DCTN5: variants seen among roughly 807,000 people sequenced by gnomAD.
DCTN5 encodes the protein dynactin 4.
A neutral mutation model predicts 23.5 loss-of-function variants in DCTN5; 14 were observed. The ratio of observed to expected loss-of-function variants is 0.60; its 90% CI spans 0.39 to 0.93. The LOEUF (loss-of-function observed/expected upper bound fraction) is 0.93, where lower values mean the gene tolerates loss of function less well. Ranked by LOEUF, DCTN5 falls within the 40% of genes least tolerant of loss-of-function variation. The pLI is 0.00. For synonymous variants in DCTN5, 67 were observed against 79.6 expected, an observed-to-expected ratio of 0.84 and a Z score of 0.84; for missense variants, 156 against 225.9, an observed-to-expected ratio of 0.69 and a Z score of 1.98.
rs1408904198 is a variant in DCTN5 at position 23,670,528 on chromosome 16, A to T, written c.*3384A>T. ...AGAGCCTAGAGGGTGCTGCCCAGCC[A>T]TATTCTGGCTAGCCTCAGCGGTTCT... is the stretch of plus-strand genomic sequence containing the variant. On this transcript the variant is annotated 3_prime_UTR_variant, in exon 6 of 6. Coordinates refer to ENST00000300087, the MANE Select transcript of DCTN5 (RefSeq NM_032486.4). The T allele has an allele frequency of 6.6e-6, 1 of 152,152 alleles. No individual in the cohort carries two copies. 9.4% of individuals were successfully genotyped at this position (152,152 alleles called of 1,614,324 possible).
At chr16:23,666,945 C>A in intron 5 of DCTN5, 102 bp from the exon 6 acceptor site, 1 of 1,533,430 alleles carries the variant, frequency 6.5e-7, no homozygotes, top group South Asian at 1.2e-5. Flanking sequence ...AAGTGATTGT[C>A]AGACATGCAT....
At chr16:23,658,742 A>G in intron 3 of DCTN5, 117 bp downstream of exon 3, 1 of 765,848 alleles carries the variant, frequency 1.3e-6, no homozygotes, top group Non-Finnish European at 2.3e-6. Flanking sequence ...GCACTGAGTA[A>G]GAGTTCACCA....
intron 4 of DCTN5, 52 bp from the exon 5 acceptor site, chr16:23,665,574 C>A (rs1022458782): frequency 2.0e-6 from 3 of 1,509,438 alleles, no homozygotes; most frequent in South Asian, 1.2e-5. Context: ...TAGAAAGGAG[C>A]CTTTCACACA....
intron 5 of DCTN5, 103 bp downstream of exon 5, chr16:23,665,831 G>T: frequency 1.1e-6 from 1 of 929,494 alleles, no homozygotes; most frequent in Admixed American, 2.4e-5. Flanking sequence ...GCAATATGTT[G>T]ATAGAGCTAA....
chr16:23,645,220 C>T (rs79333988), intron 2 of DCTN5, among the ~76,000 whole-genome samples: 15,695 of 145,130 alleles, frequency 0.11, 1,114 homozygotes, highest in East Asian at 0.24. Flanking sequence ...CCACAACCTC[C>T]GCCTCCCAGG....
intron 2 of DCTN5, chr16:23,650,843 C>G (rs562061552): frequency 6.8e-7 from 1 of 1,465,248 alleles, no homozygotes; most frequent in Non-Finnish European, 9.2e-7. Flanking sequence ...GTCAGTAAGA[C>G]TGAGTGTGAA....
At chr16:23,658,236 G>C (rs929156817) in intron 2 of DCTN5, among the ~76,000 whole-genome samples, 2 of 152,196 alleles carry the variant, frequency 1.3e-5, no homozygotes, top group Non-Finnish European at 2.9e-5. Flanking sequence ...ATCTGCTATA[G>C]GTGTTCTCAC....
intron 1 of DCTN5, chr16:23,642,623 C>CA (rs1196909501): frequency 4.7e-6 from 1 of 211,884 alleles, no homozygotes; most frequent in African/African-American, 2.3e-5. Flanking sequence ...GCTGGGACTA[C>CA]AGACACGCGC....
intron 2 of DCTN5, among the ~76,000 whole-genome samples, chr16:23,656,062 A>G (rs2140981327): frequency 6.6e-6 from 1 of 152,262 alleles, no homozygotes; most frequent in Non-Finnish European, 1.5e-5. Context: ...TGTCTCTACA[A>G]AAAATGAAAA....
Position 23,670,755 on chromosome 16 carries a change from T to C in DCTN5, c.*3611T>C, listed in dbSNP as rs1967991854. On this transcript the variant is annotated 3_prime_UTR_variant, in exon 6 of 6. Transcript: ENST00000300087. Reference sequence around the variant, plus strand: ...GTCTCGCCAACTTCTACAGTTCCCATAAGTACATGATAACTGAAACACTTC... The same window carrying C: ...GTCTCGCCAACTTCTACAGTTCCCACAAGTACATGATAACTGAAACACTTC... 6.6e-6 allele frequency: 1 copy of C among 152,106 alleles called. No homozygotes were observed. 9.4% of individuals were successfully genotyped at this position (152,106 alleles called of 1,614,324 possible).
chr16:23,642,218 C>T (rs1199429761), intron 1 of DCTN5, among the ~76,000 whole-genome samples: 1 of 152,160 alleles, frequency 6.6e-6, no homozygotes, highest in Non-Finnish European at 1.5e-5. Context: ...CAGGCGTGAG[C>T]CACCGCACCC....
chr16:23,659,554 A>G (rs1008163509), intron 3 of DCTN5, among the ~76,000 whole-genome samples: 11 of 152,254 alleles, frequency 7.2e-5, no homozygotes, highest in Non-Finnish European at 1.6e-4. Flanking sequence ...AGCAATTAGC[A>G]TAATCAGATA....
intron 2 of DCTN5, among the ~76,000 whole-genome samples, chr16:23,644,556 T>C (rs1259102098): frequency 6.6e-6 from 1 of 151,810 alleles, no homozygotes; most frequent in African/African-American, 2.4e-5. Flanking sequence ...TGCCTTGTCC[T>C]CCGAAAGTGC....
At chr16:23,665,767 A>G (rs1421616676) in intron 5 of DCTN5, 39 bp downstream of exon 5, 5 of 1,534,448 alleles carry the variant, frequency 3.3e-6, no homozygotes, top group Non-Finnish European at 3.6e-6. Flanking sequence ...TTAACTTCCT[A>G]AAACTCAGTT....
At chr16:23,661,312 C>T (rs1967806239) in intron 4 of DCTN5, 31 bp downstream of exon 4, 1 of 1,522,916 alleles carries the variant, frequency 6.6e-7, no homozygotes, top group South Asian at 1.1e-5. Flanking sequence ...GGCAAAGCAG[C>T]TTCACTTTCC....
intron 2 of DCTN5, among the ~76,000 whole-genome samples, chr16:23,649,298 C>G (rs775187429): frequency 2.6e-5 from 4 of 152,092 alleles, no homozygotes; most frequent in Admixed American, 1.3e-4. Context: ...GTTTGAGTTC[C>G]TTGTATTAAT....
chr16:23,661,324 T>G, intron 4 of DCTN5, 43 bp downstream of exon 4: 1 of 1,417,410 alleles, frequency 7.1e-7, no homozygotes, highest in Non-Finnish European at 9.9e-7. Flanking sequence ...TCACTTTCCC[T>G]TCAGCTCCCA....
intron 5 of DCTN5, 38 bp downstream of exon 5, chr16:23,665,766 T>G: frequency 1.3e-6 from 2 of 1,529,760 alleles, no homozygotes; most frequent in Non-Finnish European, 1.8e-6. Flanking sequence ...TTTAACTTCC[T>G]AAAACTCAGT....
Position 23,675,764 on chromosome 16 carries a change from C to G in DCTN5, c.*8620C>G, listed in dbSNP as rs1049610434. On this transcript the variant is annotated 3_prime_UTR_variant, in exon 6 of 6. Coordinates refer to ENST00000300087, the MANE Select transcript of DCTN5 (RefSeq NM_032486.4). ...CCATGTGCTGTGAGTGCTTTGAGTT[C>G]AGACTGACAACAGAGTGGGTCTAGC... The G allele has an allele frequency of 7.9e-5, 12 of 152,198 alleles. No homozygotes were observed. The highest frequency in any genetic ancestry group is 2.9e-4 in the African/African-American group (12 of 41,426). 9.4% of individuals were successfully genotyped at this position (152,198 alleles called of 1,614,324 possible). A position where few individuals can be genotyped will look rare whatever the true frequency, so the allele number is the denominator to read the frequency against.
Sources: gnomAD v4.1 joint callset for allele counts (sites outside exome capture counted in the v4.1 genomes callset) on GRCh38, gnomAD v4.1.1 for gene constraint, MANE v1.5 for transcripts, NCBI Gene and HGNC (gene_info 2026-07-23, HGNC 2026-07-21) for gene names.